Variants in PCDHA6 observed in about 807,000 individuals in gnomAD.
PCDHA6 encodes protocadherin alpha-6.
A neutral mutation model predicts 60.3 loss-of-function variants in PCDHA6; 55 were observed. The observed-to-expected ratio is 0.91, with a 90% CI of 0.73 to 1.14. The LOEUF (loss-of-function observed/expected upper bound fraction) is 1.14, where lower values mean the gene tolerates loss of function less well. Ranked by LOEUF, PCDHA6 falls within the 50% of genes most tolerant of loss-of-function variation. PCDHA6 has a pLI of 0.00. For synonymous variants in PCDHA6, 652 were observed against 557.9 expected, an observed-to-expected ratio of 1.17 and a Z score of -2.38; for missense variants, 1,327 against 1,256.5, an observed-to-expected ratio of 1.06 and a Z score of -0.85.
At position 140,924,761 on chromosome 5, in the gene PCDHA6, G is replaced by T. The variant is rs979984304; in HGVS notation, c.2395-54188G>T. On this transcript the variant is annotated intron_variant, in intron 1 of 3. Coordinates refer to ENST00000529310, the MANE Select transcript of PCDHA6 (RefSeq NM_018909.4). Reference sequence around the variant, plus strand: ...AATACAAAAATTAACCGAGCATGGTGGTGCGCGCTTGTAGTCCTAGCTACT... The same window carrying T: ...AATACAAAAATTAACCGAGCATGGTTGTGCGCGCTTGTAGTCCTAGCTACT... Among the ~76,000 whole-genome samples the T allele has an allele frequency of 5.3e-5, 8 of 151,864 alleles. No individual in the cohort carries two copies. The East Asian group carries it at 1.5e-3, about 29-fold the overall frequency.
chr5:140,834,243 A>T, intron 1 of PCDHA6: 1 of 838,028 alleles, frequency 1.2e-6, no homozygotes, highest in Non-Finnish European at 1.9e-6. Context: ...TCCTTTTCGC[A>T]CTGGAAAGAC....
In PCDHA6 at chr5:140,843,187, C is replaced by T. The variant is rs2150354856; in HGVS notation, c.2394+12702C>T. ...CTGCAAGCAGCCCTCGCATCCCGTT[C>T]CGCGTGGGGCTGTACACGGGCGAGA... is the stretch of plus-strand genomic sequence containing the variant. On this transcript the variant is annotated intron_variant, in intron 1 of 3. Transcript: ENST00000529310. 32 of 1,595,934 alleles carry T rather than the reference C, an allele frequency of 2.0e-5. 2 individuals carry two copies. The East Asian group carries it at 2.0e-4, about 10-fold the overall frequency.
chr5:140,828,752 G>C lies in PCDHA6; in HGVS notation c.661G>C (p.Glu221Gln). ...GACAGCCACAGATGGGGGCAAACCT[G>C]AGCTCACAGGCACTGTTCAGCTGCT... is the stretch of plus-strand genomic sequence containing the variant. ...FLTATDGGKP[E>Q]LTGTVQLLVT... Residue 221 changes from glutamate to glutamine, a missense_variant, in exon 1 of 4, where the codon GAG becomes CAG. Glu to Gln is a conservative substitution (Grantham distance 29). Coordinates refer to ENST00000529310, the MANE Select transcript of PCDHA6 (RefSeq NM_018909.4). The C allele has an allele frequency of 6.2e-7, 1 of 1,614,226 alleles. No individual in the cohort carries two copies. The highest frequency in any genetic ancestry group is 1.7e-5 in the Admixed American group (1 of 60,032).
At chr5:140,842,733 G>T in intron 1 of PCDHA6, 1 of 1,595,054 alleles carries the variant, frequency 6.3e-7, no homozygotes, top group Middle Eastern at 1.8e-4. Context: ...AACCCGCCGG[G>T]CTGCCACATC....
intron 1 of PCDHA6, chr5:140,836,055 G>A: frequency 5.6e-6 from 9 of 1,613,604 alleles, no homozygotes; most frequent in Non-Finnish European, 7.6e-6. Flanking sequence ...CGTGCTGGAC[G>A]AGAACGACAA....
intron 1 of PCDHA6, chr5:140,843,190 C>G (rs2150354954): frequency 1.3e-6 from 2 of 1,595,984 alleles, no homozygotes; most frequent in South Asian, 1.1e-5. Context: ...TCCCGTTCCG[C>G]GTGGGGCTGT....
intron 1 of PCDHA6, among the ~76,000 whole-genome samples, chr5:140,950,294 C>T (rs1396440202): frequency 6.6e-6 from 1 of 151,970 alleles, no homozygotes; most frequent in African/African-American, 2.4e-5. Context: ...ACCTGAAAAA[C>T]TTTACTTAGC....
chr5:140,966,436 G>T, intron 1 of PCDHA6: 1 of 421,750 alleles, frequency 2.4e-6, no homozygotes. Flanking sequence ...CCCTCCTACC[G>T]CTCCCTTTCC....
At chr5:140,845,439 T>C (rs965524315) in intron 1 of PCDHA6, among the ~76,000 whole-genome samples, 1 of 149,744 alleles carries the variant, frequency 6.7e-6, no homozygotes, top group Non-Finnish European at 1.5e-5. Flanking sequence ...ATTTTAGTTC[T>C]GTTTTTCTTC....
chr5:140,999,015 C>G (rs2097843117), intron 3 of PCDHA6, among the ~76,000 whole-genome samples: 1 of 152,280 alleles, frequency 6.6e-6, no homozygotes, highest in East Asian at 1.9e-4. Context: ...GATTTGAACC[C>G]AAGACTTTTG....
chr5:140,848,340 A>G, intron 1 of PCDHA6: 1 of 894,036 alleles, frequency 1.1e-6, no homozygotes, highest in Admixed American at 2.4e-5. Context: ...ATCCAGACAA[A>G]TACAGCCCTT....
intron 1 of PCDHA6, chr5:140,929,169 T>C: frequency 6.2e-7 from 1 of 1,614,188 alleles, no homozygotes; most frequent in Non-Finnish European, 8.5e-7. Flanking sequence ...ATCGGGCCTC[T>C]CTGGGACTTG....
chr5:140,928,697 G>C, intron 1 of PCDHA6: 9 of 1,614,124 alleles, frequency 5.6e-6, no homozygotes, highest in Non-Finnish European at 5.9e-6. Context: ...CACATCTCCC[G>C]GGCGTCTGAC....
At chr5:140,877,193 G>A (rs1554169443) in intron 1 of PCDHA6, 1 of 1,613,832 alleles carries the variant, frequency 6.2e-7, no homozygotes, top group Non-Finnish European at 8.5e-7. Context: ...GGCAGCGCAG[G>A]AGGCGCAGTT....
chr5:140,998,158 T>C (rs1306702034), intron 3 of PCDHA6, among the ~76,000 whole-genome samples: 1 of 152,232 alleles, frequency 6.6e-6, no homozygotes, highest in Non-Finnish European at 1.5e-5. Context: ...AGTTAAGCCA[T>C]GTGCCAAGTA....
intron 1 of PCDHA6, chr5:140,870,153 C>G (rs537593818): frequency 6.2e-7 from 1 of 1,614,088 alleles, no homozygotes; most frequent in East Asian, 2.2e-5. Flanking sequence ...CTGAAGTCGC[C>G]GTGACTTCCT....
At position 140,853,431 on chromosome 5, in the gene PCDHA6, T is replaced by C; in HGVS notation, c.2394+22946T>C. 3.0e-6 allele frequency: 3 copies of C among 985,312 alleles called. No homozygotes were observed. In the African/African-American group the frequency reaches 5.3e-5, roughly 17 times the overall value. The allele number at this position is 985,312 out of a possible 1,614,324, so 61.0% of individuals were successfully genotyped here. On this transcript the variant is annotated intron_variant, in intron 1 of 3. Coordinates refer to ENST00000529310, the MANE Select transcript of PCDHA6 (RefSeq NM_018909.4). ...AGAGGTGAAAGCAGAAGAGACACTTTCCTATTTTGCCTAATAGGTCTCCTT... is the reference window on the plus strand; with the variant it reads ...AGAGGTGAAAGCAGAAGAGACACTTCCCTATTTTGCCTAATAGGTCTCCTT...
At chr5:140,839,997 G>A (rs2150302530) in intron 1 of PCDHA6, among the ~76,000 whole-genome samples, 10 of 152,064 alleles carry the variant, frequency 6.6e-5, no homozygotes, top group Non-Finnish European at 1.5e-4. Context: ...GTTAGCCTTA[G>A]CACTGAGAAG....
chr5:140,928,657 G>A (rs781811102), intron 1 of PCDHA6: 11 of 1,614,102 alleles, frequency 6.8e-6, no homozygotes, highest in Non-Finnish European at 9.3e-6. Context: ...AGAGGATGCT[G>A]ACAGTGGTTC....
Sources: allele counts gnomAD v4.1 joint callset (sites outside exome capture counted in the v4.1 genomes callset), GRCh38; gene constraint gnomAD v4.1.1; transcripts MANE v1.5; gene names NCBI Gene and HGNC (gene_info 2026-07-23, HGNC 2026-07-21).